Variants in PKIB observed in about 807,000 individuals in gnomAD.
PKIB encodes cAMP-dependent protein kinase inhibitor beta.
In PKIB, 2 loss-of-function variants were observed where a neutral mutation model predicts 4.5. The observed-to-expected ratio is 0.44, with a 90% CI of 0.18 to 1.39. The LOEUF is 1.39. Ranked by LOEUF, PKIB falls within the 40% of genes most tolerant of loss-of-function variation. The pLI is 0.27. For missense variants in PKIB, 94 were observed against 92.6 expected (o/e 1.02, Z -0.06); for synonymous variants, 38 against 36.0 (o/e 1.06, Z -0.20).
At chr6:122,662,011 A>T (rs556351086) in intron 2 of PKIB, among the ~76,000 whole-genome samples, 2 of 152,176 alleles carry the variant, frequency 1.3e-5, no homozygotes, top group African/African-American at 4.8e-5. Context: ...AGAAATGTCT[A>T]TTCATGTTCA....
At chr6:122,689,130 C>G (rs1392440784) in intron 3 of PKIB, among the ~76,000 whole-genome samples, 1 of 152,044 alleles carries the variant, frequency 6.6e-6, no homozygotes, top group Non-Finnish European at 1.5e-5. Context: ...TTTTTCATCT[C>G]TAATTCTATT....
chr6:122,485,121 G>T (rs1325310058), intron 2 of PKIB, among the ~76,000 whole-genome samples: 1 of 152,074 alleles, frequency 6.6e-6, no homozygotes, highest in Non-Finnish European at 1.5e-5. Flanking sequence ...CTGTGATTCT[G>T]GGGGCTGCCT....
rs796850961 is a variant in PKIB at position 122,476,128 on chromosome 6, C to T, written c.-336-1723C>T. Reference sequence around the variant, plus strand: ...ACACTAAATATAATGAGGACTGAAACATCTTGGCCCCCCCACAGTAGTTAA... The same window carrying T: ...ACACTAAATATAATGAGGACTGAAATATCTTGGCCCCCCCACAGTAGTTAA... On this transcript the variant is annotated intron_variant, in intron 1 of 6. Coordinates refer to the PKIB transcript ENST00000392491. 4.1e-4 allele frequency among the ~76,000 whole-genome samples: 62 copies of T among 152,218 alleles called. 1 individual carries two copies. The highest frequency in any genetic ancestry group is 1.3e-3 in the African/African-American group (54 of 41,540).
intron 3 of PKIB, among the ~76,000 whole-genome samples, chr6:122,714,203 T>A (rs1163898310): frequency 6.6e-6 from 1 of 152,174 alleles, no homozygotes; most frequent in Non-Finnish European, 1.5e-5. Context: ...TCTTCCTACA[T>A]CGCTGTGAGG....
At chr6:122,695,627 G>A (rs1778540697) in intron 3 of PKIB, among the ~76,000 whole-genome samples, 1 of 151,954 alleles carries the variant, frequency 6.6e-6, no homozygotes, top group Admixed American at 6.6e-5. Context: ...TGTACTAGGT[G>A]ACTTTTAGGT....
chr6:122,531,848 G>A (rs1777269093), intron 2 of PKIB, among the ~76,000 whole-genome samples: 1 of 152,176 alleles, frequency 6.6e-6, no homozygotes, highest in Non-Finnish European at 1.5e-5. Context: ...TCAGCATTGT[G>A]CTTGGCACAA....
intron 3 of PKIB, among the ~76,000 whole-genome samples, chr6:122,595,508 A>G (rs1582722727): frequency 6.6e-6 from 1 of 152,182 alleles, no homozygotes; most frequent in East Asian, 1.9e-4. Flanking sequence ...TAGTCTTGGC[A>G]GAAGCATTGT....
At chr6:122,502,163 A>G (rs991631233) in intron 2 of PKIB, among the ~76,000 whole-genome samples, 1 of 151,674 alleles carries the variant, frequency 6.6e-6, no homozygotes, top group African/African-American at 2.4e-5. Context: ...TTTTGGTCCA[A>G]AAAAAATTAA....
At chr6:122,719,716 TACACACACACACACACACACACAC>T (rs202212013) in intron 4 of PKIB, among the ~76,000 whole-genome samples, 4,098 of 132,892 alleles carry the variant, frequency 0.031, 85 homozygotes, top group African/African-American at 0.057. Context: ...CCACCACACA[TACACACACACACACACACACACAC>T]ACACACACAC....
In PKIB at chr6:122,561,249, C is replaced by T. The variant is rs902718753; in HGVS notation, c.-247-24672C>T. Among the ~76,000 whole-genome samples the T allele has an allele frequency of 2.6e-5, 4 of 152,034 alleles. 1 individual carries two copies. In the South Asian group the frequency reaches 8.3e-4, roughly 32 times the overall value. On this transcript the variant is annotated intron_variant, in intron 2 of 6. Coordinates refer to the PKIB transcript ENST00000392491. ...TTTTGATAGGTCGTGTCATTATTGC[C>T]GTTCAGTTTGAAGAATTTTTAAATT...
At chr6:122,676,418 C>A (rs891171556) in intron 3 of PKIB, among the ~76,000 whole-genome samples, 1 of 152,098 alleles carries the variant, frequency 6.6e-6, no homozygotes, top group African/African-American at 2.4e-5. Flanking sequence ...GGATTGGTAC[C>A]CAGCCCATGG....
intron 2 of PKIB, among the ~76,000 whole-genome samples, chr6:122,562,826 A>G (rs1448254466): frequency 4.0e-5 from 6 of 151,526 alleles, no homozygotes; most frequent in Non-Finnish European, 8.8e-5. Context: ...TTTTTTCCTT[A>G]AGCTATCTAT....
At chr6:122,563,546 TTCTGC>T (rs1008518231) in intron 2 of PKIB, among the ~76,000 whole-genome samples, 13 of 152,092 alleles carry the variant, frequency 8.5e-5, no homozygotes, top group African/African-American at 3.1e-4. Flanking sequence ...ACCCTTTGTC[TTCTGC>T]TACCAGGGAG....
intron 2 of PKIB, among the ~76,000 whole-genome samples, chr6:122,540,147 AT>A (rs1562244212): frequency 6.6e-6 from 1 of 152,092 alleles, no homozygotes; most frequent in East Asian, 1.9e-4. Context: ...GGATTCATTA[AT>A]TTTTTGAAGG....
chr6:122,482,901 C>T (rs1775665301), intron 2 of PKIB: 2 of 150,884 alleles, frequency 1.3e-5, no homozygotes, highest in Non-Finnish European at 3.0e-5. Context: ...TGGGGAAATC[C>T]CTACCCCGCT....
chr6:122,516,445 C>T (rs772144097), intron 2 of PKIB, among the ~76,000 whole-genome samples: 13 of 152,144 alleles, frequency 8.5e-5, no homozygotes, highest in Admixed American at 1.3e-4. Context: ...GTCACTTGTT[C>T]GAGTTCTTGC....
intron 3 of PKIB, among the ~76,000 whole-genome samples, chr6:122,684,838 T>C (rs1778035237): frequency 6.6e-6 from 1 of 152,182 alleles, no homozygotes; most frequent in South Asian, 2.1e-4. Flanking sequence ...TTAATAGCAT[T>C]GATTAATTTG....
chr6:122,475,478 A>G (rs1005388894), intron 1 of PKIB, among the ~76,000 whole-genome samples: 1 of 151,980 alleles, frequency 6.6e-6, no homozygotes, highest in Admixed American at 6.6e-5. Flanking sequence ...ACATAGTGAG[A>G]CTTCATCTCT....
intron 2 of PKIB, chr6:122,493,563 G>T (rs1293269961): frequency 6.6e-6 from 1 of 152,120 alleles, no homozygotes; most frequent in Non-Finnish European, 1.5e-5. Flanking sequence ...CATATCTGAA[G>T]CTGTGCTTTT....
Sources: gnomAD v4.1 joint callset for allele counts (sites outside exome capture counted in the v4.1 genomes callset) on GRCh38, gnomAD v4.1.1 for gene constraint, MANE v1.5 for transcripts, NCBI Gene and HGNC (gene_info 2026-07-23, HGNC 2026-07-21) for gene names.